ZNF362: variants seen among roughly 807,000 people sequenced by gnomAD.
ZNF362 encodes zinc finger protein 362.
In ZNF362, 11 loss-of-function variants were observed where a neutral mutation model predicts 42.9. That is an observed-to-expected ratio of 0.26 (90% CI 0.16 to 0.42). The LOEUF (loss-of-function observed/expected upper bound fraction) is 0.42, where lower values mean the gene tolerates loss of function less well. Ranked by LOEUF, ZNF362 falls within the 20% of genes least tolerant of loss-of-function variation. The probability of loss-of-function intolerance (pLI) is 1.00; values close to 1 mark genes in which losing one functional copy is unlikely to be tolerated. For synonymous variants in ZNF362, 255 were observed against 257.3 expected (o/e 0.99, Z 0.09); for missense variants, 362 against 576.2 (o/e 0.63, Z 3.81).
At chr1:33,229,994 C>G in the ZNF362 span, among the ~76,000 whole-genome samples, 1 of 152,100 alleles carries the variant, frequency 6.6e-6, no homozygotes, top group Non-Finnish European at 1.5e-5. Context: ...GAGATAAGCA[C>G]TATTTACATT....
chr1:33,130,370 C>A, the ZNF362 span, among the ~76,000 whole-genome samples: 3 of 152,224 alleles, frequency 2.0e-5, no homozygotes, highest in African/African-American at 7.2e-5. Context: ...ATTACAAAAA[C>A]TCCCTGTGGC....
the ZNF362 span, among the ~76,000 whole-genome samples, chr1:33,177,837 G>A: frequency 6.6e-6 from 1 of 152,124 alleles, no homozygotes; most frequent in Non-Finnish European, 1.5e-5. This position sits in a 1 kb window ranked among gnomAD's most constrained non-coding sequence, Gnocchi z 4.1. Context: ...GTGCTGTTAG[G>A]TGCCAAGTGC....
At chr1:33,255,473 A>T (rs1570374304), upstream of ZNF362, among the ~76,000 whole-genome samples, 1 of 13,688 alleles carries the variant, frequency 7.3e-5, no homozygotes, top group Admixed American at 7.5e-4. Flanking sequence ...CGGTGAAGGG[A>T]TCCTGGAACC....
intron 2 of ZNF362, among the ~76,000 whole-genome samples, chr1:33,271,897 G>C (rs1002795945): frequency 1.3e-5 from 2 of 152,218 alleles, no homozygotes; most frequent in African/African-American, 4.8e-5. Flanking sequence ...ACTAAGTCCA[G>C]CTCAGGCCTG....
At chr1:33,237,069 C>CA in the ZNF362 span, among the ~76,000 whole-genome samples, 5 of 151,546 alleles carry the variant, frequency 3.3e-5, no homozygotes, top group African/African-American at 9.7e-5. Flanking sequence ...GATTCTGTCT[C>CA]AAAAAAAACT....
At chr1:33,164,027 C>T in the ZNF362 span, 2 of 152,316 alleles carry the variant, frequency 1.3e-5, no homozygotes, top group African/African-American at 2.4e-5. Flanking sequence ...GCCCATAATA[C>T]TCCGCTCTCA....
At chr1:33,264,804 G>A (rs565110290) in intron 1 of ZNF362, among the ~76,000 whole-genome samples, 1 of 152,176 alleles carries the variant, frequency 6.6e-6, no homozygotes, top group East Asian at 1.9e-4. Flanking sequence ...CCTCATTCCT[G>A]ACCCCAAACA....
intron 1 of ZNF362, among the ~76,000 whole-genome samples, chr1:33,270,175 G>A (rs949700228): frequency 5.9e-5 from 9 of 152,200 alleles, no homozygotes; most frequent in African/African-American, 2.2e-4. Flanking sequence ...AAATGAATGA[G>A]CACCAACCCT....
At chr1:33,151,375 G>A in the ZNF362 span, among the ~76,000 whole-genome samples, 1 of 152,090 alleles carries the variant, frequency 6.6e-6, no homozygotes, top group Non-Finnish European at 1.5e-5. Flanking sequence ...GTGAGGCTGG[G>A]GCAGGGTGTG....
chr1:33,133,092 A>G, the ZNF362 span, among the ~76,000 whole-genome samples: 1 of 152,184 alleles, frequency 6.6e-6, no homozygotes, highest in African/African-American at 2.4e-5. Context: ...CAGGAGAGAG[A>G]CACTGTGGGG....
At chr1:33,211,933 A>G in the ZNF362 span, among the ~76,000 whole-genome samples, 1 of 152,174 alleles carries the variant, frequency 6.6e-6, no homozygotes, top group Non-Finnish European at 1.5e-5. Flanking sequence ...TCAAATGTAC[A>G]TCTGAGATGG....
At chr1:33,135,360 C>T in the ZNF362 span, among the ~76,000 whole-genome samples, 1 of 152,226 alleles carries the variant, frequency 6.6e-6, no homozygotes, top group Non-Finnish European at 1.5e-5. Flanking sequence ...TCACGCTATT[C>T]ATGTGCTTCC....
the ZNF362 span, among the ~76,000 whole-genome samples, chr1:33,230,949 C>A: frequency 3.3e-5 from 5 of 152,214 alleles, no homozygotes; most frequent in Non-Finnish European, 7.3e-5. Flanking sequence ...AAGGTATCAA[C>A]AAGAAGAATG....
At chr1:33,239,332 A>C in the ZNF362 span, among the ~76,000 whole-genome samples, 2 of 152,170 alleles carry the variant, frequency 1.3e-5, no homozygotes. Flanking sequence ...GGGGTCCCCT[A>C]GATCATTTCC....
At chr1:33,143,580 G>A in the ZNF362 span, among the ~76,000 whole-genome samples, 3 of 152,058 alleles carry the variant, frequency 2.0e-5, no homozygotes, top group Non-Finnish European at 4.4e-5. Context: ...TCCCATCCTC[G>A]TTCTCATTCC....
the ZNF362 span, among the ~76,000 whole-genome samples, chr1:33,157,517 G>A: frequency 1.3e-5 from 2 of 152,034 alleles, no homozygotes; most frequent in African/African-American, 4.8e-5. Flanking sequence ...TATCTAATAT[G>A]CTCTGTATTT....
the ZNF362 span, among the ~76,000 whole-genome samples, chr1:33,222,899 C>A: frequency 6.6e-6 from 1 of 152,116 alleles, no homozygotes; most frequent in Admixed American, 6.5e-5. Flanking sequence ...GGGGGCAGGT[C>A]TTTTCTGTGC....
intron 6 of ZNF362, among the ~76,000 whole-genome samples, chr1:33,283,428 T>C (rs777100621): frequency 9.2e-5 from 14 of 152,212 alleles, no homozygotes; most frequent in Non-Finnish European, 1.9e-4. Flanking sequence ...AATGGCAGGC[T>C]GGGCTCAGTG....
the ZNF362 span, among the ~76,000 whole-genome samples, chr1:33,230,343 C>T: frequency 2.6e-4 from 39 of 152,198 alleles, no homozygotes; most frequent in East Asian, 1.7e-3. Flanking sequence ...AATACATCCG[C>T]GCACCAACTC....
Sources: gnomAD v4.1 joint callset for allele counts (sites outside exome capture counted in the v4.1 genomes callset) on GRCh38, gnomAD v4.1.1 for gene constraint, Gnocchi (gnomAD v3.1) non-coding constraint, MANE v1.5 for transcripts, NCBI Gene and HGNC (gene_info 2026-07-23, HGNC 2026-07-21) for gene names.